Variants in SNX13 observed in about 807,000 individuals in gnomAD.
The protein encoded by SNX13 is sorting nexin-13.
SNX13 carries 45 observed loss-of-function variants against 133.6 expected under a neutral mutation model. The ratio of observed to expected loss-of-function variants is 0.34; its 90% CI spans 0.27 to 0.43. The LOEUF is 0.43. Ranked by LOEUF, SNX13 falls within the 20% of genes least tolerant of loss-of-function variation. SNX13 has a pLI of 1.00. For missense variants in SNX13, 1,032 were observed against 1,145.1 expected (o/e 0.90, Z 1.43); for synonymous variants, 414 against 373.9 (o/e 1.11, Z -1.24).
At chr7:17,936,201 G>C (rs1167579535) in intron 1 of SNX13, among the ~76,000 whole-genome samples, 1 of 152,208 alleles carries the variant, frequency 6.6e-6, no homozygotes, top group Non-Finnish European at 1.5e-5. Flanking sequence ...AAGTCATCCA[G>C]AGAAGAAACC....
chr7:17,870,504 A>G (rs558625513), intron 8 of SNX13, among the ~76,000 whole-genome samples: 4 of 152,298 alleles, frequency 2.6e-5, no homozygotes, highest in African/African-American at 9.6e-5. Flanking sequence ...CCTAAAAGAG[A>G]AATTTATTTT....
intron 1 of SNX13, among the ~76,000 whole-genome samples, chr7:17,901,288 G>A (rs921103659): frequency 2.0e-5 from 3 of 152,144 alleles, no homozygotes; most frequent in Admixed American, 1.3e-4. Context: ...TGGGGTGGGA[G>A]GAAGGGTGGT....
At chr7:17,801,060 A>C (rs1428238495) in intron 22 of SNX13, among the ~76,000 whole-genome samples, 4 of 140,830 alleles carry the variant, frequency 2.8e-5, no homozygotes, top group Non-Finnish European at 4.7e-5. Context: ...ATATATATAT[A>C]TCCTGATACA....
At chr7:17,935,861 G>C (rs1410413641) in intron 1 of SNX13, among the ~76,000 whole-genome samples, 2 of 152,122 alleles carry the variant, frequency 1.3e-5, no homozygotes, top group African/African-American at 4.8e-5. Context: ...TGAAGAAATA[G>C]CTTATATAGC....
At position 17,909,139 on chromosome 7, in the gene SNX13, A is replaced by T. The variant is rs143939343; in HGVS notation, c.13-11693T>A. On this transcript the variant is annotated intron_variant, in intron 1 of 25. Transcript: ENST00000428135. Reference sequence around the variant, plus strand: ...GAGAAATGCTAATCAAAAAAAAATTAAAAAAAACATGAGATACCATCTCAC... The same window carrying T: ...GAGAAATGCTAATCAAAAAAAAATTTAAAAAAACATGAGATACCATCTCAC... 7.6e-3 allele frequency among the ~76,000 whole-genome samples: 1,150 copies of T among 152,168 alleles called. 21 individuals are homozygous for T. The highest frequency in any genetic ancestry group is 0.022 in the African/African-American group (917 of 41,512).
Position 17,832,080 on chromosome 7 carries a change from T to C in SNX13, c.1597+1972A>G, listed in dbSNP as rs1393251870. The C allele has an allele frequency of 9.2e-6, 9 of 982,846 alleles. No homozygotes were observed. In the African/African-American group the frequency reaches 1.6e-4, roughly 17 times the overall value. The allele number at this position is 982,846 out of a possible 1,614,324, so 60.9% of individuals were successfully genotyped here. A position where few individuals can be genotyped will look rare whatever the true frequency, so the allele number is the denominator to read the frequency against. ...AAAGACAATAAGATACATAAGTATA[T>C]AATCTCAAACTACAATCAATGATTC... On this transcript the variant is annotated intron_variant, in intron 15 of 25. Coordinates refer to ENST00000428135, the MANE Select transcript of SNX13 (RefSeq NM_015132.5).
intron 21 of SNX13, 109 bp downstream of exon 21, chr7:17,803,310 T>C: frequency 9.7e-7 from 1 of 1,028,284 alleles, no homozygotes; most frequent in Non-Finnish European, 1.4e-6. Context: ...CTAGCAATGT[T>C]TGGAAAAGAA....
At chr7:17,797,625 T>C (rs372488063) in intron 24 of SNX13, among the ~76,000 whole-genome samples, 22 of 151,944 alleles carry the variant, frequency 1.4e-4, no homozygotes, top group East Asian at 9.7e-4. Context: ...AGGCTCTTCA[T>C]GTTCAGGCCT....
chr7:17,870,879 CAG>C (rs1554335892), intron 8 of SNX13, among the ~76,000 whole-genome samples: 3 of 152,068 alleles, frequency 2.0e-5, no homozygotes, highest in Non-Finnish European at 4.4e-5. Flanking sequence ...TCCATAATAA[CAG>C]GGAATTATGA....
At position 17,839,833 on chromosome 7, in the gene SNX13, T is replaced by C. The variant is rs779343439; in HGVS notation, c.1333A>G (p.Ile445Val). 6.8e-6 allele frequency: 11 copies of C among 1,610,362 alleles called. No individual in the cohort carries two copies. The highest frequency in any genetic ancestry group is 9.3e-6 in the Non-Finnish European group (11 of 1,177,872). ...KGLLRAAAVGIYEQYLSEKAS... is the reference protein window; with the variant it reads ...KGLLRAAAVGVYEQYLSEKAS... ...TTTTCTGATAAATACTGTTCATAAA[T>C]TCCAACAGCAGCTGCTCTTAAAAGA... is the stretch of plus-strand genomic sequence containing the variant. The change falls in exon 13 of 26, where the codon ATT becomes GTT. Residue 445 changes from isoleucine to valine, a missense_variant. Physicochemically the swap from Ile to Val is conservative, Grantham distance 29. Transcript: ENST00000428135.
Position 17,793,896 on chromosome 7 carries a change from A to G in SNX13, c.*149T>C, listed in dbSNP as rs1174751275. ...TGGTGGATTATAGATGAGAATGAGA[A>G]GAACCACAGACTTATGGATGTATTA... On this transcript the variant is annotated 3_prime_UTR_variant, in exon 26 of 26. Coordinates refer to ENST00000428135, the MANE Select transcript of SNX13 (RefSeq NM_015132.5). 1 of 784,440 alleles carries G rather than the reference A, an allele frequency of 1.3e-6. No homozygotes were observed. Among genetic ancestry groups the G allele is most frequent in the Non-Finnish European group, 1.9e-6 (1 of 519,680 alleles). 48.6% of individuals were successfully genotyped at this position (784,440 alleles called of 1,614,324 possible).
chr7:17,868,384 T>C (rs1375260847), intron 9 of SNX13, 23 bp downstream of exon 9: 2 of 1,524,830 alleles, frequency 1.3e-6, no homozygotes, highest in Non-Finnish European at 1.8e-6. Context: ...TAAAACAGAG[T>C]TGTAATTTTA....
intron 10 of SNX13, 42 bp downstream of exon 10, chr7:17,850,784 A>T (rs1167497073): frequency 7.3e-7 from 1 of 1,370,974 alleles, no homozygotes; most frequent in Non-Finnish European, 9.5e-7. Flanking sequence ...AGATAAAATA[A>T]TACTTCAAAA....
chr7:17,911,227 G>GT (rs1411476614), intron 1 of SNX13, among the ~76,000 whole-genome samples: 9 of 152,172 alleles, frequency 5.9e-5, no homozygotes, highest in Non-Finnish European at 8.8e-5. Flanking sequence ...CTCATTAACT[G>GT]TATCTGTAGC....
At chr7:17,836,947 TTC>T (rs1299290018) in intron 13 of SNX13, among the ~76,000 whole-genome samples, 3 of 151,988 alleles carry the variant, frequency 2.0e-5, no homozygotes, top group Non-Finnish European at 4.4e-5. Context: ...TTTTTGCTTT[TTC>T]TGTTTCCTTC....
At chr7:17,832,097 C>T in intron 15 of SNX13, 2 of 982,906 alleles carry the variant, frequency 2.0e-6, no homozygotes, top group Non-Finnish European at 2.4e-6. Context: ...AAACTACAAT[C>T]AATGATTCAA....
intron 21 of SNX13, among the ~76,000 whole-genome samples, chr7:17,802,362 A>C (rs1468988786): frequency 6.6e-6 from 1 of 152,078 alleles, no homozygotes; most frequent in African/African-American, 2.4e-5. Flanking sequence ...TTTTACCATA[A>C]AGAGCTTTTG....
chr7:17,848,099 C>G (rs1446460238), intron 11 of SNX13, among the ~76,000 whole-genome samples: 2 of 152,140 alleles, frequency 1.3e-5, no homozygotes, highest in Non-Finnish European at 2.9e-5. Context: ...CCACCCCATC[C>G]TGTGCCTATA....
chr7:17,843,554 T>G (rs1472972534), intron 12 of SNX13, among the ~76,000 whole-genome samples: 1 of 152,086 alleles, frequency 6.6e-6, no homozygotes. Flanking sequence ...AATAGAGGAC[T>G]TAACACAATA....
Sources: gnomAD v4.1 joint callset for allele counts (sites outside exome capture counted in the v4.1 genomes callset) on GRCh38, gnomAD v4.1.1 for gene constraint, MANE v1.5 for transcripts, NCBI Gene and HGNC (gene_info 2026-07-23, HGNC 2026-07-21) for gene names.